The following TET2 variants were observed in gnomAD, a reference collection of about 807,000 sequenced individuals.
The protein encoded by TET2 is tet methylcytosine dioxygenase 2.
Under a neutral mutation model 142.9 loss-of-function variants are expected in TET2, and 299 were observed. The observed-to-expected ratio is 2.09, with a 90% CI of 1.90 to 2.30. The LOEUF is 2.30. Among genes scored for constraint, TET2 ranks in the 30% most tolerant of loss-of-function variants. TET2 has a pLI of 0.00. For missense variants in TET2, 2,418 were observed against 2,378.0 expected (o/e 1.02, Z -0.35); for synonymous variants, 819 against 849.0 (o/e 0.96, Z 0.61).
chr4:105,204,232 TATACACAC>T (rs1319367518), intron 2 of TET2, among the ~76,000 whole-genome samples: 46 of 107,744 alleles, frequency 4.3e-4, no homozygotes, highest in African/African-American at 1.0e-3. Context: ...AAAAAAAATA[TATACACAC>T]ACACACACAC....
At chr4:105,170,022 T>C (rs1724373717) in intron 1 of TET2, among the ~76,000 whole-genome samples, 1 of 152,142 alleles carries the variant, frequency 6.6e-6, no homozygotes, top group Non-Finnish European at 1.5e-5. Context: ...TTCTGCCCAA[T>C]TTGTTCTTTG....
chr4:105,187,264 A>C (rs193114539), intron 1 of TET2, among the ~76,000 whole-genome samples: 9 of 152,324 alleles, frequency 5.9e-5, no homozygotes, highest in African/African-American at 2.2e-4. Context: ...TTGTTTTACT[A>C]TTTTAAACAG....
intron 2 of TET2, among the ~76,000 whole-genome samples, chr4:105,216,118 TC>T (rs1211063332): frequency 6.6e-6 from 1 of 152,178 alleles, no homozygotes; most frequent in Non-Finnish European, 1.5e-5. Context: ...GTAAAACATT[TC>T]CATGCTGTGA....
At chr4:105,258,181 G>A (rs981203478) in intron 6 of TET2, among the ~76,000 whole-genome samples, 4 of 152,038 alleles carry the variant, frequency 2.6e-5, no homozygotes, top group East Asian at 3.8e-4. Flanking sequence ...ATTGCTGCAA[G>A]CTTTTTGCTA....
At chr4:105,221,814 C>T (rs984034685) in intron 2 of TET2, among the ~76,000 whole-genome samples, 28 of 151,726 alleles carry the variant, frequency 1.8e-4, no homozygotes, top group African/African-American at 6.5e-4. Flanking sequence ...GCTGCACCCA[C>T]TAACTCGTCA....
intron 8 of TET2, among the ~76,000 whole-genome samples, chr4:105,264,834 G>C (rs185542022): frequency 6.6e-6 from 1 of 152,112 alleles, no homozygotes; most frequent in African/African-American, 2.4e-5. Context: ...CCTACTATTT[G>C]ATCTTTACCT....
chr4:105,151,785 A>G (rs1723309902), intron 1 of TET2, among the ~76,000 whole-genome samples: 1 of 152,248 alleles, frequency 6.6e-6, no homozygotes, highest in Non-Finnish European at 1.5e-5. Flanking sequence ...AATTAAAGTA[A>G]GAGACGAGGC....
At chr4:105,207,106 A>C (rs1051715899) in intron 2 of TET2, among the ~76,000 whole-genome samples, 7 of 152,230 alleles carry the variant, frequency 4.6e-5, no homozygotes, top group Non-Finnish European at 7.3e-5. Context: ...GTATGAGCTC[A>C]CTGAAAATTT....
rs191391575 is a variant in TET2, at chr4:105,261,468, C to T, written c.3955-291C>T. On this transcript the variant is annotated intron_variant, in intron 7 of 10. Transcript: ENST00000380013. Reference sequence around the variant, plus strand: ...AAAATGTGACCTCTTTAAGACCATACGGCTTAATTCCCCTAACCCTACTCC... The same window carrying T: ...AAAATGTGACCTCTTTAAGACCATATGGCTTAATTCCCCTAACCCTACTCC... Among the ~76,000 whole-genome samples, 49 of 152,116 alleles carry T rather than the reference C, an allele frequency of 3.2e-4. 2 individuals are homozygous for T. The highest frequency in any genetic ancestry group is 1.1e-3 in the Admixed American group (17 of 15,270).
At position 105,235,321 on chromosome 4, in the gene TET2, C is replaced by T. The variant is rs376570662; in HGVS notation, c.1379C>T (p.Ser460Phe). 2.0e-4 allele frequency: 325 copies of T among 1,613,834 alleles called. No individual in the cohort carries two copies. Among genetic ancestry groups the T allele is most frequent in the Non-Finnish European group, 2.6e-4 (312 of 1,179,984 alleles). Residue 460 changes from serine to phenylalanine, a missense_variant, in exon 3 of 11, where the codon TCC (serine) becomes TTC (phenylalanine). Coordinates refer to ENST00000380013, the MANE Select transcript of TET2 (RefSeq NM_001127208.3). ...GAGGGTAAACCTGAGGCACCACCTT[C>T]CCAGAGTCCTAATCCATCTACACAT... ...KIEGKPEAPP[S>F]QSPNPSTHVC...
intron 1 of TET2, among the ~76,000 whole-genome samples, chr4:105,169,070 T>C (rs755543971): frequency 1.3e-5 from 2 of 152,224 alleles, no homozygotes; most frequent in Non-Finnish European, 1.5e-5. Context: ...CTTTTTCATA[T>C]AATGACTTTT....
At chr4:105,175,606 C>A (rs1417637888) in intron 1 of TET2, among the ~76,000 whole-genome samples, 1 of 151,680 alleles carries the variant, frequency 6.6e-6, no homozygotes, top group Non-Finnish European at 1.5e-5. Flanking sequence ...GTATAATGTA[C>A]GTGCAATGGG....
intron 1 of TET2, among the ~76,000 whole-genome samples, chr4:105,157,650 A>G (rs142164697): frequency 2.0e-4 from 31 of 152,256 alleles, no homozygotes; most frequent in African/African-American, 7.2e-4. Context: ...TTTGGTTACT[A>G]ACTGTGGGAA....
chr4:105,197,312 T>C lies in TET2; in HGVS notation c.-47+6807T>C, dbSNP rs556575951. Among the ~76,000 whole-genome samples, 3 of 152,304 alleles carry C rather than the reference T, an allele frequency of 2.0e-5. No homozygotes were observed. In the East Asian group the frequency reaches 5.8e-4, roughly 29 times the overall value. ...TGAATGATATTTGATGTCTATTAGG[T>C]GATAATTTCTGATGACTAAACATGC... On this transcript the variant is annotated intron_variant, in intron 2 of 10. Transcript: ENST00000380013.
At chr4:105,220,057 CAT>C (rs1317421645) in intron 2 of TET2, among the ~76,000 whole-genome samples, 1 of 152,084 alleles carries the variant, frequency 6.6e-6, no homozygotes, top group East Asian at 1.9e-4. Flanking sequence ...GTGCCTGACA[CAT>C]AGAATATGTT....
rs2110311908 is a variant in TET2 at position 105,275,150 on chromosome 4, A to G, written c.4640A>G (p.Gln1547Arg). 3.2e-6 allele frequency: 5 copies of G among 1,552,118 alleles called. No individual in the cohort carries two copies. Among genetic ancestry groups the G allele is most frequent in the Non-Finnish European group, 4.4e-6 (5 of 1,147,058 alleles). The change falls in exon 11 of 11, where the codon CAG becomes CGG. Residue 1547 changes from glutamine to arginine, a missense_variant. Coordinates refer to ENST00000380013, the MANE Select transcript of TET2 (RefSeq NM_001127208.3). Reference protein sequence around the residue: ...QPQQQQRPQQQQPHHPQTESV... With the variant: ...QPQQQQRPQQRQPHHPQTESV... Reference sequence around the variant, plus strand: ...CAGCAGCAGCAGAGACCCCAGCAGCAGCAGCCACATCACCCTCAGACAGAG... The same window carrying G: ...CAGCAGCAGCAGAGACCCCAGCAGCGGCAGCCACATCACCCTCAGACAGAG...
At position 105,272,801 on chromosome 4, in the gene TET2, G is replaced by A. The variant is rs2110306988; in HGVS notation, c.4420G>A (p.Ala1474Thr). 1 of 1,551,664 alleles carries A rather than the reference G, an allele frequency of 6.4e-7. No individual in the cohort carries two copies. The highest frequency in any genetic ancestry group is 8.7e-7 in the Non-Finnish European group (1 of 1,146,970). The change falls in exon 10 of 11, where the codon GCT becomes ACT. Residue 1474 changes from alanine (A) to threonine (T), a missense_variant. By Grantham distance (58) the Ala-to-Thr change is moderately conservative. Transcript: ENST00000380013. ...CRQRKLEAKK[A>T]AAEKLSSLEN... ...ACAAAGGAAACTAGAAGCCAAGAAA[G>A]CTGCAGCTGAAAAGCTTTCCTCCCT...
At chr4:105,146,691 G>A (rs1418557051), upstream of TET2, 1 of 151,704 alleles carries the variant, frequency 6.6e-6, no homozygotes, top group African/African-American at 2.4e-5. Flanking sequence ...TAGCGGCAGT[G>A]GCAGCGGCGA....
intron 8 of TET2, among the ~76,000 whole-genome samples, chr4:105,263,834 G>A (rs933993251): frequency 2.0e-5 from 3 of 152,112 alleles, no homozygotes; most frequent in Non-Finnish European, 2.9e-5. Flanking sequence ...AGTAAGAACT[G>A]GGGGAGGGAG....
Sources: allele counts gnomAD v4.1 joint callset (sites outside exome capture counted in the v4.1 genomes callset), GRCh38; gene constraint gnomAD v4.1.1; transcripts MANE v1.5; gene names NCBI Gene and HGNC (gene_info 2026-07-23, HGNC 2026-07-21).